Variants in RTEL1 observed in about 807,000 individuals in gnomAD.
The protein encoded by RTEL1 is regulator of telomere elongation helicase 1, also known as regulator of telomere length.
Under a neutral mutation model 162.2 loss-of-function variants are expected in RTEL1, and 86 were observed. The ratio of observed to expected loss-of-function variants is 0.53; its 90% confidence interval spans 0.45 to 0.63. The LOEUF is 0.63. RTEL1 is among the 30% of genes least tolerant of loss of function. The pLI is 0.00. For synonymous variants in RTEL1, 958 were observed against 717.9 expected, an observed-to-expected ratio of 1.33 and a Z score of -5.35; for missense variants, 1,941 against 1,750.2, an observed-to-expected ratio of 1.11 and a Z score of -1.95.
chr20:63,691,663 C>T (rs1278935718), intron 27 of RTEL1, 79 bp from the exon 28 acceptor site: 3 of 1,290,478 alleles, frequency 2.3e-6, no homozygotes, highest in South Asian at 1.2e-5. Context: ...GGACCATCTT[C>T]CCTGTGCGTC....
At position 63,680,892 on chromosome 20, in the gene RTEL1, G is replaced by A. The variant is rs947945313; in HGVS notation, c.1191+173G>A. 6.1e-6 allele frequency: 6 copies of A among 983,332 alleles called. No homozygotes were observed. The African/African-American group carries it at 1.0e-4, about 17-fold the overall frequency. 60.9% of individuals were successfully genotyped at this position (983,332 alleles called of 1,614,324 possible). ...TTTCCAGTGCCCTAAACCCACACTG[G>A]GCCTCCTGCAGGGATGGGGGAGGAC... On this transcript the variant is annotated intron_variant, in intron 14 of 34. Transcript: ENST00000360203.
chr20:63,690,503 G>GGGGGGGC, intron 26 of RTEL1, 62 bp downstream of exon 26: 3 of 1,028,424 alleles, frequency 2.9e-6, no homozygotes, highest in Non-Finnish European at 4.2e-6. Flanking sequence ...CGTGGGGCGG[G>GGGGGGGC]CAGCACCAGG....
At chr20:63,694,058 G>C (rs113214706) in intron 30 of RTEL1, among the ~76,000 whole-genome samples, 1 of 152,050 alleles carries the variant, frequency 6.6e-6, no homozygotes, top group African/African-American at 2.4e-5. Context: ...ACCCAGGGGG[G>C]AACCTAGCCT....
chr20:63,690,751 G>A, intron 26 of RTEL1, 54 bp from the exon 27 acceptor site: 1 of 1,538,692 alleles, frequency 6.5e-7, no homozygotes, highest in Non-Finnish European at 8.8e-7. Context: ...CACAGGCAGG[G>A]ACCCCAGCTG....
chr20:63,690,671 C>T, intron 26 of RTEL1, 134 bp from the exon 27 acceptor site: 1 of 1,106,362 alleles, frequency 9.0e-7, no homozygotes. Context: ...TGAGACTCCC[C>T]CCAATAGCAG....
At position 63,662,637 on chromosome 20, in the gene RTEL1, T is replaced by C. The variant is rs767872427; in HGVS notation, c.477+10T>C. On this transcript the variant is annotated intron_variant, in intron 5 of 34. Transcript: ENST00000360203. Reference sequence around the variant, plus strand: ...GAGTAACCATCTACAGGTAGGCTCCTGGGCTCCCGCTCCGGCTCAGTGTCC... The same window carrying C: ...GAGTAACCATCTACAGGTAGGCTCCCGGGCTCCCGCTCCGGCTCAGTGTCC... 1.6e-4 allele frequency: 258 copies of C among 1,613,712 alleles called. No individual in the cohort carries two copies. The highest frequency in any genetic ancestry group is 1.8e-4 in the Non-Finnish European group (208 of 1,179,920).
chr20:63,659,139 C>A (rs932522226), intron 1 of RTEL1, 94 bp from the exon 2 acceptor site: 6 of 483,772 alleles, frequency 1.2e-5, no homozygotes, highest in African/African-American at 1.2e-4. Context: ...TGCTCTCCAA[C>A]CCTCTCCGCA....
Position 63,687,690 on chromosome 20 carries a change from G to A in RTEL1, c.1401G>A (p.Leu467=). Residue 467 remains leucine (L), a synonymous_variant, in exon 17 of 35, where the codon CTG becomes CTA. Transcript: ENST00000360203. The part of the protein sequence containing the change: ...CFSPGHSMHE[L]VRQGVRSLIL... ...GTCCCGGCCACAGCATGCACGAGCT[G>A]GTCCGCCAGGGCGTCCGCTCCCTCA... 1.2e-6 allele frequency: 2 copies of A among 1,608,110 alleles called. No individual in the cohort carries two copies. Among genetic ancestry groups the A allele is most frequent in the Non-Finnish European group, 1.7e-6 (2 of 1,178,886 alleles).
chr20:63,695,596 G>A lies in RTEL1; in HGVS notation c.3768G>A (p.Gln1256=). The A allele has an allele frequency of 6.2e-7, 1 of 1,612,042 alleles. No homozygotes were observed. The highest frequency in any genetic ancestry group is 8.5e-7 in the Non-Finnish European group (1 of 1,179,904). ...GGGCAGAGGACGTGGTGCCCTTCCA[G>A]TGCCCTGCCTGTGACTTCCAGCGCT... is the stretch of plus-strand genomic sequence containing the variant. The part of the protein sequence containing the change: ...GCGAEDVVPF[Q]CPACDFQRCQ... The change falls in exon 34 of 35, where the codon CAG becomes CAA. Residue 1256 remains glutamine, a synonymous_variant. Transcript: ENST00000360203.
intron 13 of RTEL1, 149 bp from the exon 14 acceptor site, chr20:63,680,515 A>G: frequency 1.3e-6 from 1 of 771,102 alleles, no homozygotes; most frequent in Non-Finnish European, 2.1e-6. Context: ...CCCGCCCTGA[A>G]TGGATGCTGC....
At chr20:63,663,006 T>C (rs2090051652) in intron 6 of RTEL1, 117 bp downstream of exon 6, 6 of 963,208 alleles carry the variant, frequency 6.2e-6, no homozygotes, top group Admixed American at 5.3e-5. Flanking sequence ...AGTGCGGCCA[T>C]GTACCTGGGC....
intron 10 of RTEL1, among the ~76,000 whole-genome samples, chr20:63,677,748 C>T (rs112075878): frequency 1.4e-5 from 2 of 140,744 alleles, no homozygotes; most frequent in Admixed American, 1.4e-4. Flanking sequence ...CTTCCTTCCC[C>T]TGTTGGTGGA....
chr20:63,678,703 ACT>A (rs1281174387), intron 12 of RTEL1, among the ~76,000 whole-genome samples: 1 of 79,438 alleles, frequency 1.3e-5, no homozygotes, highest in African/African-American at 5.1e-5. Flanking sequence ...CAGCACACAC[ACT>A]CCCACGGAAC....
At chr20:63,692,002 T>A (rs1315726329) in intron 28 of RTEL1, 165 bp downstream of exon 28, 2 of 580,872 alleles carry the variant, frequency 3.4e-6, no homozygotes, top group Non-Finnish European at 6.1e-6. Flanking sequence ...CTCAAGTGTG[T>A]GGTTTCTTCT....
At chr20:63,691,533 T>TCAC (rs1297096864) in intron 27 of RTEL1, among the ~76,000 whole-genome samples, 2 of 151,948 alleles carry the variant, frequency 1.3e-5, no homozygotes, top group Non-Finnish European at 2.9e-5. Context: ...CTCTTACAAG[T>TCAC]CACCACCTGC....
intron 8 of RTEL1, among the ~76,000 whole-genome samples, chr20:63,671,726 C>T (rs1280674883): frequency 2.0e-5 from 3 of 151,078 alleles, no homozygotes; most frequent in Non-Finnish European, 4.4e-5. Flanking sequence ...CTCCTGACCT[C>T]GTGATCCGCC....
intron 30 of RTEL1, among the ~76,000 whole-genome samples, 156 bp downstream of exon 30, chr20:63,693,439 G>GCAC (rs2090824597): frequency 1.1e-5 from 1 of 93,248 alleles, no homozygotes; most frequent in Non-Finnish European, 2.3e-5. Context: ...TCCACCACCA[G>GCAC]CACCAGCAGC....
intron 30 of RTEL1, among the ~76,000 whole-genome samples, chr20:63,693,652 C>T (rs2090873442): frequency 6.3e-5 from 5 of 79,470 alleles, no homozygotes; most frequent in East Asian, 4.6e-4. Flanking sequence ...ACCTCCACCT[C>T]CACCACCACC....
chr20:63,685,366 G>A (rs1454037918), intron 14 of RTEL1, among the ~76,000 whole-genome samples, 157 bp from the exon 15 acceptor site: 4 of 152,210 alleles, frequency 2.6e-5, no homozygotes, highest in Non-Finnish European at 5.9e-5. Flanking sequence ...TCAGGCAGGT[G>A]CCAGCTCCTG....
Sources: gnomAD v4.1 joint callset for allele counts (sites outside exome capture counted in the v4.1 genomes callset) on GRCh38, gnomAD v4.1.1 for gene constraint, MANE v1.5 for transcripts, NCBI Gene and HGNC (gene_info 2026-07-23, HGNC 2026-07-21) for gene names.